Variants in CNGB3 observed in about 807,000 individuals in gnomAD.
The protein encoded by CNGB3 is cyclic nucleotide gated channel subunit beta 3.
CNGB3 carries 86 observed loss-of-function variants against 92.8 expected under a neutral mutation model. The ratio of observed to expected loss-of-function variants is 0.93; its 90% CI spans 0.78 to 1.11. The LOEUF (loss-of-function observed/expected upper bound fraction) is 1.11, where lower values mean the gene tolerates loss of function less well. CNGB3 is among the 50% of genes least tolerant of loss of function. CNGB3 has a pLI of 0.00. For missense variants in CNGB3, 1,026 were observed against 956.8 expected (o/e 1.07, Z -0.95); for synonymous variants, 333 against 332.7 (o/e 1.00, Z -0.01).
intron 15 of CNGB3, among the ~76,000 whole-genome samples, chr8:86,580,193 G>T (rs11370892): frequency 3.6e-5 from 1 of 27,834 alleles, no homozygotes; most frequent in Non-Finnish European, 1.3e-4. Flanking sequence ...AATAGCACGG[G>T]GGGGGTGGCG....
At chr8:86,693,070 G>T (rs977773133) in intron 3 of CNGB3, among the ~76,000 whole-genome samples, 13 of 152,116 alleles carry the variant, frequency 8.5e-5, no homozygotes, top group African/African-American at 2.9e-4. Context: ...ATCCCTTCTG[G>T]CTTGCAGGGT....
At chr8:86,622,479 T>A (rs1349910452) in intron 13 of CNGB3, among the ~76,000 whole-genome samples, 2 of 152,078 alleles carry the variant, frequency 1.3e-5, no homozygotes, top group Non-Finnish European at 2.9e-5. Flanking sequence ...TACACTTATG[T>A]ACCTTCCCCG....
intron 6 of CNGB3, chr8:86,659,173 T>C: frequency 1.4e-6 from 1 of 712,022 alleles, no homozygotes; most frequent in Non-Finnish European, 2.6e-6. Flanking sequence ...TCCCTCAATG[T>C]GTGCACCTGC....
In CNGB3 at chr8:86,683,933, C is replaced by T. The variant is rs1824132251; in HGVS notation, c.339-12835G>A. Among the ~76,000 whole-genome samples the T allele has an allele frequency of 3.9e-5, 6 of 152,208 alleles. No homozygotes were observed. In the South Asian group the frequency reaches 1.2e-3, roughly 32 times the overall value. ...CTGGATCTATGGCTGGCAAAGAGTTCTTAAGTTGGACACTAAAAATACAGT... is the reference window on the plus strand; with the variant it reads ...CTGGATCTATGGCTGGCAAAGAGTTTTTAAGTTGGACACTAAAAATACAGT... On this transcript the variant is annotated intron_variant, in intron 3 of 17. Coordinates refer to ENST00000320005, the MANE Select transcript of CNGB3 (RefSeq NM_019098.5).
intron 1 of CNGB3, among the ~76,000 whole-genome samples, chr8:86,741,580 C>T (rs1046656088): frequency 6.6e-6 from 1 of 151,898 alleles, no homozygotes. Flanking sequence ...GCAGGAGAAT[C>T]GTTTGAACCC....
chr8:86,637,968 G>T (rs1722001874), intron 10 of CNGB3, among the ~76,000 whole-genome samples: 1 of 152,112 alleles, frequency 6.6e-6, no homozygotes, highest in South Asian at 2.1e-4. Context: ...TCACATAAAT[G>T]AAATCGTACA....
chr8:86,694,120 G>A (rs550100064), intron 3 of CNGB3, among the ~76,000 whole-genome samples: 27 of 130,810 alleles, frequency 2.1e-4, no homozygotes, highest in East Asian at 1.1e-3. Context: ...CTGGCCGGGC[G>A]GGGGGCTGAC....
intron 3 of CNGB3, among the ~76,000 whole-genome samples, chr8:86,696,704 T>C (rs1428272462): frequency 6.6e-5 from 10 of 152,200 alleles, no homozygotes; most frequent in Non-Finnish European, 8.8e-5. Flanking sequence ...GAATTTTGTT[T>C]TGAAATTTAT....
intron 6 of CNGB3, among the ~76,000 whole-genome samples, chr8:86,663,486 C>T (rs1302508107): frequency 1.3e-5 from 2 of 152,168 alleles, no homozygotes; most frequent in East Asian, 3.8e-4. Context: ...CTGTTAGCAC[C>T]TCAATCTGTT....
intron 3 of CNGB3, among the ~76,000 whole-genome samples, chr8:86,677,429 G>A (rs1173962271): frequency 2.0e-5 from 3 of 152,220 alleles, no homozygotes; most frequent in Non-Finnish European, 4.4e-5. Flanking sequence ...GGTACAGAAA[G>A]CAGTTGAGAA....
chr8:86,704,876 T>C (rs867484180), intron 3 of CNGB3, among the ~76,000 whole-genome samples: 44 of 152,318 alleles, frequency 2.9e-4, no homozygotes, highest in African/African-American at 1.1e-3. Context: ...AAATACCGTC[T>C]ATTTTTTTCT....
chr8:86,613,350 T>G (rs115273833), intron 13 of CNGB3, among the ~76,000 whole-genome samples: 211 of 152,338 alleles, frequency 1.4e-3, no homozygotes, highest in African/African-American at 4.7e-3. Flanking sequence ...ATGTCCCAAG[T>G]GCTTAATTTC....
At chr8:86,685,170 A>G (rs575248760) in intron 3 of CNGB3, among the ~76,000 whole-genome samples, 78 of 152,222 alleles carry the variant, frequency 5.1e-4, no homozygotes, top group African/African-American at 1.5e-3. Flanking sequence ...TTACAACTGC[A>G]TGCAAATCTA....
intron 3 of CNGB3, among the ~76,000 whole-genome samples, chr8:86,699,079 A>G (rs566948537): frequency 2.0e-5 from 3 of 152,306 alleles, no homozygotes; most frequent in South Asian, 2.1e-4. Flanking sequence ...TTATTAATCA[A>G]TGATGGAGGA....
At chr8:86,610,784 T>TGG (rs1201345639) in intron 14 of CNGB3, among the ~76,000 whole-genome samples, 1 of 152,166 alleles carries the variant, frequency 6.6e-6, no homozygotes, top group Non-Finnish European at 1.5e-5. Context: ...TCCTCTCCCT[T>TGG]AAGTTAGTGA....
chr8:86,708,905 G>A (rs913013102), intron 3 of CNGB3, among the ~76,000 whole-genome samples: 3 of 152,064 alleles, frequency 2.0e-5, no homozygotes, highest in African/African-American at 7.2e-5. Context: ...AAGAACATGG[G>A]AGTAGAGGAA....
intron 6 of CNGB3, among the ~76,000 whole-genome samples, chr8:86,663,328 T>C (rs2131611722): frequency 6.6e-6 from 1 of 152,364 alleles, no homozygotes; most frequent in Non-Finnish European, 1.5e-5. Context: ...ACTCAATTTC[T>C]GCTATCTATA....
chr8:86,728,749 T>C (rs1237011156), intron 2 of CNGB3, among the ~76,000 whole-genome samples: 2 of 152,124 alleles, frequency 1.3e-5, no homozygotes, highest in Non-Finnish European at 2.9e-5. Flanking sequence ...CCAAGAAACA[T>C]GTTATGGATC....
rs1439970127 is a variant in CNGB3 at position 86,591,882 on chromosome 8, T to C, written c.1781+12211A>G. ...GTGGGCTCCACCCAGTTCGAGCTTC[T>C]GGGCTGCTTTGTTTACCTAAGCAAG... On this transcript the variant is annotated intron_variant, in intron 15 of 17. Transcript: ENST00000320005. Among the ~76,000 whole-genome samples the C allele has an allele frequency of 4.6e-5, 7 of 151,732 alleles. No individual in the cohort carries two copies. In the East Asian group the frequency reaches 1.4e-3, roughly 29 times the overall value.
Sources: gnomAD v4.1 joint callset for allele counts (sites outside exome capture counted in the v4.1 genomes callset) on GRCh38, gnomAD v4.1.1 for gene constraint, MANE v1.5 for transcripts, NCBI Gene and HGNC (gene_info 2026-07-23, HGNC 2026-07-21) for gene names.